The following MUC5AC variants were observed in gnomAD, a reference collection of about 807,000 sequenced individuals.
MUC5AC encodes the protein mucin-5AC.
In MUC5AC, 158 loss-of-function variants were observed where a neutral mutation model predicts 169.7. The ratio of observed to expected loss-of-function variants is 0.93; its 90% CI spans 0.82 to 1.06. The LOEUF is 1.06. MUC5AC is among the 50% of genes least tolerant of loss of function. The probability of loss-of-function intolerance (pLI) is 0.00; values close to 1 mark genes in which losing one functional copy is unlikely to be tolerated. For synonymous variants in MUC5AC, 1,975 were observed against 1,237.0 expected (o/e 1.60, Z -12.52); for missense variants, 4,359 against 3,089.9 (o/e 1.41, Z -9.74).
intron 17 of MUC5AC, 62 bp from the exon 18 acceptor site, chr11:1,174,820 C>T (rs2133741496): frequency 6.9e-6 from 3 of 436,006 alleles, no homozygotes; most frequent in East Asian, 7.0e-5. Flanking sequence ...GGCTCACTCA[C>T]TGCTGGCTGC....
Position 1,192,437 on chromosome 11 carries a change from T to C in MUC5AC, c.14292T>C (p.Ser4764=), listed in dbSNP as rs539212276. The C allele has an allele frequency of 9.5e-5, 73 of 764,786 alleles. No individual in the cohort carries two copies. The highest frequency in any genetic ancestry group is 1.5e-4 in the Non-Finnish European group (62 of 417,794). The allele number at this position is 764,786 out of a possible 1,614,324, so 47.4% of individuals were successfully genotyped here. A position where few individuals can be genotyped will look rare whatever the true frequency, so the allele number is the denominator to read the frequency against. ...TATCCGCCTCCGTGGCATCCACCTC[T>C]GTGGCATCCAGCTCTGTGGCATCCA... The part of the protein sequence containing the change: ...SMVSASVAST[S]VASSSVASSS... The change falls in exon 31 of 49, where the codon TCT becomes TCC. Residue 4764 remains serine (S), a synonymous_variant. Transcript: ENST00000621226.
intron 11 of MUC5AC, among the ~76,000 whole-genome samples, chr11:1,165,986 AC>A (rs1860313515): frequency 6.6e-6 from 1 of 152,110 alleles, no homozygotes; most frequent in Admixed American, 6.5e-5. Context: ...ATTGGGCCTC[AC>A]CCAGCACTGG....
chr11:1,183,709 C>T lies in MUC5AC; in HGVS notation c.5564C>T (p.Ser1855Phe), dbSNP rs1175912083. ...RGCHMTSTPG[S>F]TSSSPAQTTP... The stretch of plus-strand genomic sequence containing the variant: ...TGCCACATGACCTCCACACCTGGCT[C>T]CACCTCTAGCAGTCCAGCCCAGACC... The change falls in exon 31 of 49, where the codon TCC (serine) becomes TTC (phenylalanine). Residue 1855 changes from serine (S) to phenylalanine (F), a missense_variant. By Grantham distance (155) the Ser-to-Phe change is radical. Transcript: ENST00000621226. 86 of 618,698 alleles carry T rather than the reference C, an allele frequency of 1.4e-4. 3 individuals carry two copies. Among genetic ancestry groups the T allele is most frequent in the African/African-American group, 1.0e-3 (56 of 53,528 alleles). The allele number at this position is 618,698 out of a possible 1,614,324, so 38.3% of individuals were successfully genotyped here.
chr11:1,163,810 C>A (rs1860217842), intron 6 of MUC5AC, 72 bp from the exon 7 acceptor site: 2 of 1,245,568 alleles, frequency 1.6e-6, no homozygotes, highest in Non-Finnish European at 1.1e-6. Context: ...GCCCTGGGGG[C>A]TCTGCTGCTC....
chr11:1,199,969 T>C lies in MUC5AC; in HGVS notation c.16700T>C (p.Met5567Thr), dbSNP rs80262142. 5,158 of 759,916 alleles carry C rather than the reference T, an allele frequency of 6.8e-3. 35 individuals carry two copies. The highest frequency in any genetic ancestry group is 0.014 in the South Asian group (1,031 of 73,586). 47.1% of individuals were successfully genotyped at this position (759,916 alleles called of 1,614,324 possible). The change falls in exon 48 of 49, where the codon ATG becomes ACG. Residue 5567 changes from methionine (M) to threonine (T), a missense_variant and splice_region_variant. Transcript: ENST00000621226. The part of the protein sequence containing the change: ...CRGNCGDSSS[M>T]YSLEGNTVEH... The stretch of plus-strand genomic sequence containing the variant: ...GGGAACTGTGGGGACAGCTCTTCCA[T>C]GTACGTGCCTGGGCAGCAGGCAGGG...
In MUC5AC at chr11:1,188,843, G is replaced by T; in HGVS notation, c.10698G>T (p.Arg3566Ser). 3 of 762,628 alleles carry T rather than the reference G, an allele frequency of 3.9e-6. No individual in the cohort carries two copies. In the South Asian group the frequency reaches 4.0e-5, roughly 10 times the overall value. 47.2% of individuals were successfully genotyped at this position (762,628 alleles called of 1,614,324 possible). ...KICRRPEEIT[R>S]LQCRAKSHPE... is the part of the protein sequence containing the mutation. ...GCCGCCGACCTGAGGAGATCACCAG[G>T]CTCCAGTGCCGAGCCAAGAGCCACC... Residue 3566 changes from arginine to serine, a missense_variant, in exon 31 of 49, where the codon AGG (arginine) becomes AGT (serine). Arg to Ser is a moderately radical substitution (Grantham distance 110). Coordinates refer to ENST00000621226, the MANE Select transcript of MUC5AC (RefSeq NM_001304359.2).
In MUC5AC at chr11:1,196,491, C is replaced by T. The variant is rs1861277684; in HGVS notation, c.15725+16C>T. ...CCAGCCTCGGGTAGGCACCCTCCCT[C>T]CTGGCCCTGCCATGGGCTGCTGGAG... On this transcript the variant is annotated intron_variant, in intron 38 of 48. Coordinates refer to ENST00000621226, the MANE Select transcript of MUC5AC (RefSeq NM_001304359.2). The T allele has an allele frequency of 1.3e-6, 1 of 764,952 alleles. No individual in the cohort carries two copies. Among genetic ancestry groups the T allele is most frequent in the Middle Eastern group, 2.3e-4 (1 of 4,434 alleles). The allele number at this position is 764,952 out of a possible 1,614,324, so 47.4% of individuals were successfully genotyped here.
chr11:1,158,130 C>A, intron 1 of MUC5AC, 58 bp downstream of exon 1: 1 of 1,435,860 alleles, frequency 7.0e-7, no homozygotes, highest in South Asian at 1.2e-5. Context: ...CTGAGTGGGC[C>A]TCAGGCAGCT....
In MUC5AC at chr11:1,188,193, A is replaced by C. The variant is rs1029190691; in HGVS notation, c.10048A>C (p.Thr3350Pro). 2.9e-6 allele frequency: 2 copies of C among 685,668 alleles called. No homozygotes were observed. The highest frequency in any genetic ancestry group is 2.1e-5 in the Admixed American group (1 of 48,278). The allele number at this position is 685,668 out of a possible 1,614,324, so 42.5% of individuals were successfully genotyped here. The stretch of plus-strand genomic sequence containing the variant: ...GAGAGCCACCAGCCCAACTCAGAGC[A>C]CTTCCTCTTGGCAGAAATCCAGGAC... ...SGRATSPTQSTSSWQKSRTTT... is the reference protein window; with the variant it reads ...SGRATSPTQSPSSWQKSRTTT... Residue 3350 changes from threonine (T) to proline (P), a missense_variant, in exon 31 of 49, where the codon ACT becomes CCT. By Grantham distance (38) the Thr-to-Pro change is conservative. Coordinates refer to ENST00000621226, the MANE Select transcript of MUC5AC (RefSeq NM_001304359.2).
rs574789070 is a variant in MUC5AC at position 1,162,084 on chromosome 11, C to T, written c.389C>T (p.Ala130Val). The T allele has an allele frequency of 1.9e-6, 3 of 1,612,550 alleles. No homozygotes were observed. Among genetic ancestry groups the T allele is most frequent in the African/African-American group, 1.3e-5 (1 of 75,058 alleles). The change falls in exon 4 of 49, where the codon GCC becomes GTC. Residue 130 changes from alanine to valine, a missense_variant. Transcript: ENST00000621226. ...IQLRRSQESA[A>V]PTLSRVLMKV... is the part of the protein sequence containing the mutation. ...CTACGCCGCAGCCAGGAGTCAGCGGCCCCCACGCTGAGCAGGGTCCTCATG... is the reference window on the plus strand; with the variant it reads ...CTACGCCGCAGCCAGGAGTCAGCGGTCCCCACGCTGAGCAGGGTCCTCATG...
Position 1,196,106 on chromosome 11 carries a change from G to T in MUC5AC, c.15637+52G>T, listed in dbSNP as rs1343761318. 9.6e-6 allele frequency: 7 copies of T among 727,084 alleles called. No individual in the cohort carries two copies. In the Admixed American group the frequency reaches 1.1e-4, roughly 11 times the overall value. The allele number at this position is 727,084 out of a possible 1,614,324, so 45.0% of individuals were successfully genotyped here. ...CCCAAGTCGCTTGTGAGGGGCACAG[G>T]CACGCCGGACGGACCAACAGGGTGG... On this transcript the variant is annotated intron_variant, in intron 37 of 48. Transcript: ENST00000621226.
In MUC5AC at chr11:1,191,547, G is replaced by C. The variant is rs1861097003; in HGVS notation, c.13402G>C (p.Ala4468Pro). 1.5e-6 allele frequency: 1 copy of C among 646,470 alleles called. No individual in the cohort carries two copies. Among genetic ancestry groups the C allele is most frequent in the Admixed American group, 1.9e-5 (1 of 53,060 alleles). 40.0% of individuals were successfully genotyped at this position (646,470 alleles called of 1,614,324 possible). ...ISLPTTSTTS[A>P]PITSMTSGPG... Reference sequence around the variant, plus strand: ...TCTCCCTACAACCAGCACAACCTCTGCTCCTATAACCAGCATGACCTCTGG... The same window carrying C: ...TCTCCCTACAACCAGCACAACCTCTCCTCCTATAACCAGCATGACCTCTGG... The change falls in exon 31 of 49, where the codon GCT becomes CCT. Residue 4468 changes from alanine (A) to proline (P), a missense_variant. Physicochemically the swap from Ala to Pro is conservative, Grantham distance 27. Transcript: ENST00000621226.
rs1189133637 is a variant in MUC5AC at position 1,162,173 on chromosome 11, G to A, written c.473+5G>A. The A allele has an allele frequency of 1.9e-6, 3 of 1,608,202 alleles. No homozygotes were observed. The highest frequency in any genetic ancestry group is 1.7e-5 in the Admixed American group (1 of 59,916). On this transcript the variant is annotated splice_donor_5th_base_variant and intron_variant, in intron 4 of 48. Coordinates refer to ENST00000621226, the MANE Select transcript of MUC5AC (RefSeq NM_001304359.2). ...CGTCCTGGTCAACGGCCACCCGTGA[G>A]TCTGGGTTCTGGGATGGTGGGGGCC...
At position 1,178,464 on chromosome 11, in the gene MUC5AC, TG is replaced by T; in HGVS notation, c.3111del (p.Asn1038ThrfsTer83). ...TGCAGGGCAGGGTCTGCGGCCTGTG[TG>T]GGAACTTCGACGACATCGCCGTTAA... ...EFKGRVCGLC[G>X]NFDDIAVNDF... On this transcript the variant is annotated frameshift_variant, in exon 25 of 49. Transcript: ENST00000621226. LOFTEE classifies it high-confidence loss of function. The T allele has an allele frequency of 1.2e-6, 1 of 817,684 alleles. No individual in the cohort carries two copies. 50.7% of individuals were successfully genotyped at this position (817,684 alleles called of 1,614,324 possible).
chr11:1,191,488 G>A lies in MUC5AC; in HGVS notation c.13343G>A (p.Ser4448Asn), dbSNP rs1861095026. The A allele has an allele frequency of 1.6e-6, 1 of 644,696 alleles. No homozygotes were observed. Among genetic ancestry groups the A allele is most frequent in the Admixed American group, 1.9e-5 (1 of 52,738 alleles). The allele number at this position is 644,696 out of a possible 1,614,324, so 39.9% of individuals were successfully genotyped here. ...GTTPSPVPTT[S>N]TTSASTTSTI... is the part of the protein sequence containing the mutation. The stretch of plus-strand genomic sequence containing the variant: ...ACTCCCAGCCCTGTTCCCACCACAA[G>A]CACAACCTCTGCTTCTACAACCAGC... Residue 4448 changes from serine (S) to asparagine (N), a missense_variant, in exon 31 of 49, where the codon AGC becomes AAC. Coordinates refer to ENST00000621226, the MANE Select transcript of MUC5AC (RefSeq NM_001304359.2).
intron 4 of MUC5AC, 129 bp downstream of exon 4, chr11:1,162,297 A>C (rs1385323010): frequency 7.1e-7 from 1 of 1,400,228 alleles, no homozygotes; most frequent in African/African-American, 1.4e-5. Flanking sequence ...AGAGCTGGAC[A>C]TGGGCCCTCC....
chr11:1,167,548 C>T (rs1860371304), intron 11 of MUC5AC, among the ~76,000 whole-genome samples: 1 of 152,252 alleles, frequency 6.6e-6, no homozygotes, highest in Non-Finnish European at 1.5e-5. Flanking sequence ...CAGACAGCTC[C>T]ACTGCCCTGA....
rs1236019016 is a variant in MUC5AC at position 1,192,905 on chromosome 11, C to T, written c.14503C>T (p.Pro4835Ser). The change falls in exon 32 of 49, where the codon CCA (proline) becomes TCA (serine). Residue 4835 changes from proline (P) to serine (S), a missense_variant. By Grantham distance (74) the Pro-to-Ser change is moderately conservative. Transcript: ENST00000621226. ...TCCGTCCACCACGCTGCCTCCTGCC[C>T]CAGCCACGTCCCCTTCAATATCCAC... ...DCPSTTLPPA[P>S]ATSPSISTSE... The T allele has an allele frequency of 1.3e-6, 1 of 763,458 alleles. No individual in the cohort carries two copies. Among genetic ancestry groups the T allele is most frequent in the South Asian group, 1.3e-5 (1 of 74,370 alleles). The allele number at this position is 763,458 out of a possible 1,614,324, so 47.3% of individuals were successfully genotyped here. A position where few individuals can be genotyped will look rare whatever the true frequency, so the allele number is the denominator to read the frequency against.
chr11:1,160,418 C>G (rs1220264987), intron 1 of MUC5AC, among the ~76,000 whole-genome samples, 194 bp from the exon 2 acceptor site: 1 of 151,840 alleles, frequency 6.6e-6, no homozygotes, highest in African/African-American at 2.4e-5. Flanking sequence ...AGGGTCTGGG[C>G]TCAGACTTCA....
Sources: gnomAD v4.1 joint callset for allele counts (sites outside exome capture counted in the v4.1 genomes callset) on GRCh38, gnomAD v4.1.1 for gene constraint, MANE v1.5 for transcripts, NCBI Gene and HGNC (gene_info 2026-07-23, HGNC 2026-07-21) for gene names.